SNTG1: variants seen among roughly 807,000 people sequenced by gnomAD.
SNTG1 encodes gamma-1-syntrophin.
Under a neutral mutation model 74.7 loss-of-function variants are expected in SNTG1, and 39 were observed. The observed-to-expected ratio is 0.52, with a 90% CI of 0.40 to 0.68. The LOEUF (loss-of-function observed/expected upper bound fraction) is 0.68, where lower values mean the gene tolerates loss of function less well. Ranked by LOEUF, SNTG1 falls within the 30% of genes least tolerant of loss-of-function variation. SNTG1 has a pLI of 0.00. For missense variants in SNTG1, 685 were observed against 609.5 expected, an observed-to-expected ratio of 1.12 and a Z score of -1.30; for synonymous variants, 254 against 217.1, an observed-to-expected ratio of 1.17 and a Z score of -1.49.
chr8:50,546,042 GA>G (rs1287325150), intron 11 of SNTG1, among the ~76,000 whole-genome samples: 2 of 151,974 alleles, frequency 1.3e-5, no homozygotes. Context: ...GTGTGAAGCA[GA>G]AAAAAGTAGG....
In SNTG1 at chr8:50,064,571, A is replaced by G. The variant is rs374040986; in HGVS notation, c.-102-107990A>G. Among the ~76,000 whole-genome samples, 8 of 152,188 alleles carry G rather than the reference A, an allele frequency of 5.3e-5. No homozygotes were observed. The East Asian group carries it at 5.8e-4, about 11-fold the overall frequency. On this transcript the variant is annotated intron_variant, in intron 1 of 18. Transcript: ENST00000642720. The stretch of plus-strand genomic sequence containing the variant: ...ACCCAAATATTTGCTGTCACCCTCA[A>G]TGCTGATCACTGAAAACTTCCACTG...
chr8:50,750,250 T>A (rs2095564293), intron 17 of SNTG1, among the ~76,000 whole-genome samples: 1 of 152,054 alleles, frequency 6.6e-6, no homozygotes, highest in Admixed American at 6.6e-5. Flanking sequence ...GCCTTGAAGA[T>A]GCAACTGAAT....
At chr8:50,414,655 A>G (rs944257097) in intron 4 of SNTG1, among the ~76,000 whole-genome samples, 20 of 151,584 alleles carry the variant, frequency 1.3e-4, no homozygotes, top group Non-Finnish European at 2.8e-4. Context: ...TATTTTATTC[A>G]TCATTTTATT....
chr8:50,256,249 C>T (rs1206586949), intron 2 of SNTG1, among the ~76,000 whole-genome samples: 1 of 151,584 alleles, frequency 6.6e-6, no homozygotes, highest in Non-Finnish European at 1.5e-5. Flanking sequence ...CCCACAGGGC[C>T]CATAAAAGTG....
At chr8:50,685,297 G>A (rs1585523058) in intron 15 of SNTG1, among the ~76,000 whole-genome samples, 1 of 152,128 alleles carries the variant, frequency 6.6e-6, no homozygotes, top group East Asian at 1.9e-4. Context: ...GACGCTGCTA[G>A]AAAGAACTAT....
rs571812898 is a variant in SNTG1 at position 50,535,085 on chromosome 8, A to T, written c.550-1593A>T. 3.9e-5 allele frequency among the ~76,000 whole-genome samples: 6 copies of T among 152,308 alleles called. No individual in the cohort carries two copies. The East Asian group carries it at 1.2e-3, about 29-fold the overall frequency. On this transcript the variant is annotated intron_variant, in intron 10 of 18. Coordinates refer to ENST00000642720, the MANE Select transcript of SNTG1 (RefSeq NM_018967.5). ...TTGTTTTACTAAATGTTAAATTACCATTAGCCTTTTAGATATATTGAAAAT... is the reference window on the plus strand; with the variant it reads ...TTGTTTTACTAAATGTTAAATTACCTTTAGCCTTTTAGATATATTGAAAAT...
intron 2 of SNTG1, among the ~76,000 whole-genome samples, chr8:50,392,434 G>T (rs1350161350): frequency 6.6e-6 from 1 of 152,112 alleles, no homozygotes; most frequent in Non-Finnish European, 1.5e-5. Context: ...AAGCAGAGGG[G>T]ACTTATTTAA....
At chr8:50,105,471 GC>G (rs2080330307) in intron 1 of SNTG1, among the ~76,000 whole-genome samples, 1 of 151,852 alleles carries the variant, frequency 6.6e-6, no homozygotes, top group South Asian at 2.1e-4. Flanking sequence ...GATGTCTTCA[GC>G]TTTTTTGTTT....
intron 2 of SNTG1, among the ~76,000 whole-genome samples, chr8:50,315,420 T>G (rs1367141788): frequency 6.7e-6 from 1 of 149,948 alleles, no homozygotes; most frequent in Non-Finnish European, 1.5e-5. Flanking sequence ...ACAAATTATA[T>G]AGTGTATAGT....
intron 17 of SNTG1, among the ~76,000 whole-genome samples, chr8:50,749,761 G>A (rs2095563059): frequency 6.6e-6 from 1 of 151,992 alleles, no homozygotes; most frequent in African/African-American, 2.4e-5. Context: ...AATATGTTAA[G>A]TCCACTATTG....
chr8:50,486,768 T>A (rs1050420138), intron 8 of SNTG1, among the ~76,000 whole-genome samples: 2 of 151,552 alleles, frequency 1.3e-5, no homozygotes, highest in Admixed American at 6.6e-5. Flanking sequence ...GCCCATTCAG[T>A]ATGATATTGG....
intron 2 of SNTG1, among the ~76,000 whole-genome samples, chr8:50,377,513 G>A (rs1028367427): frequency 6.6e-6 from 1 of 151,764 alleles, no homozygotes; most frequent in Admixed American, 6.6e-5. Context: ...TACTTTTCTG[G>A]AAATGTATTC....
At chr8:49,984,573 T>C (rs368465340) in intron 1 of SNTG1, among the ~76,000 whole-genome samples, 25 of 152,232 alleles carry the variant, frequency 1.6e-4, no homozygotes, top group African/African-American at 5.3e-4. Flanking sequence ...TTTTCCTTAA[T>C]GTTTTACACC....
intron 1 of SNTG1, among the ~76,000 whole-genome samples, chr8:49,938,382 T>A (rs1339121395): frequency 6.6e-6 from 1 of 152,146 alleles, no homozygotes; most frequent in East Asian, 1.9e-4. Flanking sequence ...CCCACTATTT[T>A]GTAGACAAAG....
intron 4 of SNTG1, among the ~76,000 whole-genome samples, chr8:50,434,279 C>T (rs2093277084): frequency 6.6e-6 from 1 of 152,082 alleles, no homozygotes; most frequent in South Asian, 2.1e-4. Flanking sequence ...TTTCTTAATC[C>T]AGTCTATCAT....
At chr8:50,452,411 C>T (rs1032951423) in intron 8 of SNTG1, among the ~76,000 whole-genome samples, 8 of 152,190 alleles carry the variant, frequency 5.3e-5, no homozygotes, top group Non-Finnish European at 2.9e-5. Context: ...CTGCTTGTAA[C>T]TTGACTCTTT....
intron 13 of SNTG1, among the ~76,000 whole-genome samples, chr8:50,604,732 C>T (rs554229173): frequency 2.6e-5 from 4 of 152,236 alleles, no homozygotes; most frequent in South Asian, 2.1e-4. Flanking sequence ...GCTTGGTGCT[C>T]TACCCCATTG....
intron 15 of SNTG1, among the ~76,000 whole-genome samples, chr8:50,666,734 A>T (rs995188912): frequency 6.6e-6 from 1 of 152,068 alleles, no homozygotes; most frequent in Non-Finnish European, 1.5e-5. Context: ...GACAGTGCTA[A>T]AACTGTGCTC....
At chr8:49,938,603 T>TTTTTTTTTTTTTCTTTCTTTCTTTC (rs1554524905) in intron 1 of SNTG1, among the ~76,000 whole-genome samples, 2 of 74,764 alleles carry the variant, frequency 2.7e-5, no homozygotes, top group South Asian at 6.0e-4. Context: ...TTTTCTTTTC[T>TTTTTTTTTTTTTCTTTCTTTCTTTC]TTTCTTTCTT....
Sources: gnomAD v4.1 joint callset for allele counts (sites outside exome capture counted in the v4.1 genomes callset) on GRCh38, gnomAD v4.1.1 for gene constraint, MANE v1.5 for transcripts, NCBI Gene and HGNC (gene_info 2026-07-23, HGNC 2026-07-21) for gene names.